Variants in FGF14 observed in about 807,000 individuals in gnomAD.
The protein encoded by FGF14 is fibroblast growth factor homologous factor 4.
In FGF14, 5 loss-of-function variants were observed where a neutral mutation model predicts 25.5. The observed-to-expected ratio is 0.20, with a 90% CI of 0.10 to 0.41. The LOEUF is 0.41. Among genes scored for constraint, FGF14 ranks in the 10% least tolerant of loss-of-function variants. FGF14 has a pLI of 1.00. For synonymous variants in FGF14, 138 were observed against 118.3 expected, an observed-to-expected ratio of 1.17 and a Z score of -1.08; for missense variants, 222 against 320.1, an observed-to-expected ratio of 0.69 and a Z score of 2.34.
intron 1 of FGF14, among the ~76,000 whole-genome samples, chr13:102,289,678 C>G (rs1468316430): frequency 6.6e-6 from 1 of 152,078 alleles, no homozygotes; most frequent in Non-Finnish European, 1.5e-5. Flanking sequence ...GTTTGCTGAC[C>G]CCTGCATTAG....
chr13:102,223,566 G>A (rs969911406), intron 1 of FGF14, among the ~76,000 whole-genome samples: 1 of 152,054 alleles, frequency 6.6e-6, no homozygotes, highest in African/African-American at 2.4e-5. Context: ...AGTTATTTAC[G>A]ATGGCCTACG....
intron 1 of FGF14, among the ~76,000 whole-genome samples, chr13:102,298,894 G>A (rs889607705): frequency 3.9e-5 from 6 of 152,132 alleles, no homozygotes. Context: ...AAGTAGGAGC[G>A]AAGATGAGAA....
intron 1 of FGF14, among the ~76,000 whole-genome samples, chr13:102,210,564 A>G (rs965014620): frequency 2.0e-5 from 3 of 152,286 alleles, no homozygotes; most frequent in Admixed American, 1.3e-4. Context: ...GGTAGTGCAA[A>G]AGCAAAACAG....
chr13:101,786,394 T>TGGTTGGAG (rs2039826960), intron 3 of FGF14, among the ~76,000 whole-genome samples: 1 of 152,140 alleles, frequency 6.6e-6, no homozygotes, highest in African/African-American at 2.4e-5. Flanking sequence ...CAAAATACCA[T>TGGTTGGAG]GGTTGGAGGG....
chr13:101,934,132 G>A (rs910697389), intron 1 of FGF14, among the ~76,000 whole-genome samples: 1 of 152,216 alleles, frequency 6.6e-6, no homozygotes, highest in African/African-American at 2.4e-5. Flanking sequence ...AAACAAGTGT[G>A]GTTGTTGCTA....
At chr13:101,934,033 G>A (rs532739716) in intron 1 of FGF14, among the ~76,000 whole-genome samples, 17 of 152,218 alleles carry the variant, frequency 1.1e-4, no homozygotes, top group Non-Finnish European at 2.1e-4. Flanking sequence ...ATCAACTCTT[G>A]TATTCAATTT....
At chr13:102,107,997 A>T (rs1253915873) in intron 1 of FGF14, among the ~76,000 whole-genome samples, 1 of 152,208 alleles carries the variant, frequency 6.6e-6, no homozygotes, top group African/African-American at 2.4e-5. Flanking sequence ...GAATTATGTG[A>T]ATATATTTTA....
intron 1 of FGF14, among the ~76,000 whole-genome samples, chr13:102,161,265 T>C (rs1269002970): frequency 6.6e-6 from 1 of 151,952 alleles, no homozygotes; most frequent in African/African-American, 2.4e-5. Context: ...GAAGAGCGGT[T>C]GTCAGAATTT....
At chr13:101,886,953 C>A (rs1182948611) in intron 1 of FGF14, among the ~76,000 whole-genome samples, 1 of 152,048 alleles carries the variant, frequency 6.6e-6, no homozygotes, top group Non-Finnish European at 1.5e-5. Context: ...TGTTCAGCAT[C>A]ACTAATCACC....
intron 1 of FGF14, among the ~76,000 whole-genome samples, chr13:102,050,297 T>C (rs923781249): frequency 2.6e-5 from 4 of 152,138 alleles, no homozygotes; most frequent in Non-Finnish European, 5.9e-5. Context: ...ATCTTATACA[T>C]AAAACCACCT....
chr13:101,848,525 A>G (rs901220867), intron 3 of FGF14, among the ~76,000 whole-genome samples: 3 of 152,108 alleles, frequency 2.0e-5, no homozygotes, highest in Non-Finnish European at 2.9e-5. Context: ...TTCAGCGAGA[A>G]TGAGGTTTAG....
intron 1 of FGF14, among the ~76,000 whole-genome samples, chr13:102,374,822 A>G (rs1001207781): frequency 6.6e-6 from 1 of 151,192 alleles, no homozygotes; most frequent in Admixed American, 6.6e-5. Flanking sequence ...TAAATTTTTA[A>G]GTGATTCAAG....
chr13:102,174,112 A>C (rs938763569), intron 1 of FGF14, among the ~76,000 whole-genome samples: 2 of 151,058 alleles, frequency 1.3e-5, no homozygotes, highest in Non-Finnish European at 2.9e-5. Context: ...ATACGAAACA[A>C]AACATGCAAA....
chr13:101,871,364 A>G (rs975988759), intron 2 of FGF14, among the ~76,000 whole-genome samples: 2 of 152,128 alleles, frequency 1.3e-5, no homozygotes, highest in African/African-American at 4.8e-5. Flanking sequence ...ATTAAATCAC[A>G]ATCTTTGGGA....
chr13:101,971,262 A>C (rs181242888), intron 1 of FGF14, among the ~76,000 whole-genome samples: 4 of 152,310 alleles, frequency 2.6e-5, no homozygotes, highest in African/African-American at 7.2e-5. Context: ...AACACTTCTA[A>C]GTTTGAAGAA....
chr13:102,292,072 C>T (rs555451388), intron 1 of FGF14, among the ~76,000 whole-genome samples: 7 of 152,152 alleles, frequency 4.6e-5, no homozygotes, highest in South Asian at 2.1e-4. Flanking sequence ...CAATCCCAAG[C>T]GCTTGCAGAA....
intron 1 of FGF14, among the ~76,000 whole-genome samples, chr13:102,040,376 G>A (rs775292176): frequency 3.3e-5 from 5 of 152,036 alleles, no homozygotes. Flanking sequence ...TACATAGAGG[G>A]TGCTGATTAA....
chr13:101,973,119 C>CATTTT (rs77590228), intron 1 of FGF14, among the ~76,000 whole-genome samples: 3 of 127,508 alleles, frequency 2.4e-5, no homozygotes, highest in African/African-American at 2.8e-5. Flanking sequence ...AAGTGTGCTT[C>CATTTT]TTTTTTTTTT....
intron 1 of FGF14, among the ~76,000 whole-genome samples, chr13:101,894,749 A>G (rs2030368702): frequency 1.3e-5 from 2 of 152,198 alleles, no homozygotes; most frequent in Non-Finnish European, 2.9e-5. Context: ...AAGATTAAAG[A>G]AAAAAAGGAG....
Sources: allele counts gnomAD v4.1 joint callset (sites outside exome capture counted in the v4.1 genomes callset), GRCh38; gene constraint gnomAD v4.1.1; transcripts MANE v1.5; gene names NCBI Gene and HGNC (gene_info 2026-07-23, HGNC 2026-07-21).